Variants in EPHA3 observed in about 807,000 individuals in gnomAD.
EPHA3 encodes ephrin type-A receptor 3.
In EPHA3, 42 loss-of-function variants were observed where a neutral mutation model predicts 107.1. The ratio of observed to expected loss-of-function variants is 0.39; its 90% CI spans 0.31 to 0.51. The LOEUF is 0.51. Among genes scored for constraint, EPHA3 ranks in the 20% least tolerant of loss-of-function variants. EPHA3 has a pLI of 0.78. For missense variants in EPHA3, 1,183 were observed against 1,211.2 expected (o/e 0.98, Z 0.35); for synonymous variants, 461 against 424.8 (o/e 1.09, Z -1.05).
intron 3 of EPHA3, among the ~76,000 whole-genome samples, chr3:89,259,422 A>T (rs1705364078): frequency 6.6e-6 from 1 of 152,242 alleles, no homozygotes; most frequent in African/African-American, 2.4e-5. Context: ...TGCCTGAAAT[A>T]TGCTTGGAAC....
chr3:89,416,861 C>T (rs1284624164), intron 10 of EPHA3, among the ~76,000 whole-genome samples: 3 of 151,430 alleles, frequency 2.0e-5, no homozygotes, highest in Non-Finnish European at 3.0e-5. Flanking sequence ...TGAACTCCTA[C>T]TTTTCATATC....
chr3:89,166,477 T>C (rs1705070716), intron 2 of EPHA3, among the ~76,000 whole-genome samples: 1 of 151,904 alleles, frequency 6.6e-6, no homozygotes, highest in Non-Finnish European at 1.5e-5. Flanking sequence ...ATAATAATTG[T>C]TTTTTTCTGA....
At chr3:89,181,028 T>C (rs1487794478) in intron 2 of EPHA3, among the ~76,000 whole-genome samples, 1 of 152,008 alleles carries the variant, frequency 6.6e-6, no homozygotes, top group Non-Finnish European at 1.5e-5. Flanking sequence ...TGAAAATTTA[T>C]TTTCATAGTT....
intron 2 of EPHA3, among the ~76,000 whole-genome samples, chr3:89,160,309 A>G (rs1207361331): frequency 6.6e-6 from 1 of 152,118 alleles, no homozygotes; most frequent in Non-Finnish European, 1.5e-5. Flanking sequence ...ATATGAAAAG[A>G]TAGAAAAAGC....
intron 2 of EPHA3, among the ~76,000 whole-genome samples, chr3:89,196,807 A>G (rs1327112654): frequency 1.3e-5 from 2 of 152,174 alleles, no homozygotes; most frequent in African/African-American, 4.8e-5. Flanking sequence ...GCAACTTTCA[A>G]TAGCATAAAT....
At chr3:89,420,127 G>A (rs1473763081) in intron 11 of EPHA3, among the ~76,000 whole-genome samples, 1 of 151,394 alleles carries the variant, frequency 6.6e-6, no homozygotes, top group Non-Finnish European at 1.5e-5. Flanking sequence ...TTTTCCTCAA[G>A]ATTTTGGAGC....
chr3:89,415,325 C>G (rs1247595391), intron 10 of EPHA3, among the ~76,000 whole-genome samples: 1 of 150,516 alleles, frequency 6.6e-6, no homozygotes, highest in Non-Finnish European at 1.5e-5. Flanking sequence ...CTACTTCCTA[C>G]ATTCTTAATC....
intron 7 of EPHA3, among the ~76,000 whole-genome samples, chr3:89,406,466 T>C (rs926164025): frequency 1.4e-4 from 22 of 152,196 alleles, no homozygotes; most frequent in African/African-American, 5.1e-4. Flanking sequence ...TCATTCTCTA[T>C]TGCTGCTACT....
At chr3:89,221,520 T>C (rs1175381840) in intron 3 of EPHA3, among the ~76,000 whole-genome samples, 1 of 152,184 alleles carries the variant, frequency 6.6e-6, no homozygotes, top group East Asian at 1.9e-4. Context: ...CTCTTCACCT[T>C]CTAAAATGTA....
intron 1 of EPHA3, among the ~76,000 whole-genome samples, chr3:89,112,456 C>A (rs1041395915): frequency 6.6e-6 from 1 of 151,458 alleles, no homozygotes; most frequent in Non-Finnish European, 1.5e-5. Context: ...CTTAAGGGTC[C>A]GACCATTTTT....
At chr3:89,434,251 G>A (rs991600897) in intron 13 of EPHA3, among the ~76,000 whole-genome samples, 4 of 151,804 alleles carry the variant, frequency 2.6e-5, no homozygotes, top group African/African-American at 9.7e-5. Flanking sequence ...AGAGCCTCAC[G>A]TTGTCTCCCA....
chr3:89,429,225 C>A, intron 12 of EPHA3, 58 bp downstream of exon 12: 2 of 1,338,110 alleles, frequency 1.5e-6, no homozygotes, highest in Non-Finnish European at 2.1e-6. Context: ...ACATTAGAGA[C>A]ACCCTCCAAT....
chr3:89,246,658 C>T (rs1705040730), intron 3 of EPHA3, among the ~76,000 whole-genome samples: 1 of 152,086 alleles, frequency 6.6e-6, no homozygotes, highest in African/African-American at 2.4e-5. Flanking sequence ...TGCTACTCTG[C>T]CCTTTATATG....
At chr3:89,392,531 T>G (rs1015343744) in intron 5 of EPHA3, among the ~76,000 whole-genome samples, 1 of 152,150 alleles carries the variant, frequency 6.6e-6, no homozygotes, top group Non-Finnish European at 1.5e-5. Context: ...CTGAGATTTC[T>G]CTTCCTTCTT....
intron 5 of EPHA3, among the ~76,000 whole-genome samples, chr3:89,380,412 A>G (rs1225098462): frequency 6.6e-6 from 1 of 152,324 alleles, no homozygotes; most frequent in East Asian, 1.9e-4. Context: ...TGGCTCCTCA[A>G]TTAAAGTTAG....
intron 3 of EPHA3, among the ~76,000 whole-genome samples, chr3:89,298,141 G>T (rs527904257): frequency 6.6e-6 from 1 of 152,086 alleles, no homozygotes; most frequent in Non-Finnish European, 1.5e-5. Context: ...TGTCATGTGC[G>T]AGCACCAAAT....
chr3:89,219,688 G>GTGTTTTTTTTTGTTTTTTTTT lies in EPHA3; in HGVS notation c.814+9169_814+9170insGTTTTTTTTTGTTTTTTTTTT. Among the ~76,000 whole-genome samples the GTGTTTTTTTTTGTTTTTTTTT allele has an allele frequency of 9.1e-3, 312 of 34,440 alleles. 108 individuals carry two copies. Among genetic ancestry groups the GTGTTTTTTTTTGTTTTTTTTT allele is most frequent in the Middle Eastern group, 0.036 (2 of 56 alleles). 22.6% of individuals were successfully genotyped at this position (34,440 alleles called of 152,430 possible). ...TTACCTCCAAGAGGCATTTGGCAAT[G>GTGTTTTTTTTTGTTTTTTTTT]TTTTTTTTTTTTTTGTTTTTTGTTT... is the stretch of plus-strand genomic sequence containing the variant. On this transcript the variant is annotated intron_variant, in intron 3 of 16. Transcript: ENST00000336596.
chr3:89,347,591 T>C (rs1265956657), intron 5 of EPHA3, among the ~76,000 whole-genome samples: 6 of 149,938 alleles, frequency 4.0e-5, no homozygotes, highest in East Asian at 1.9e-4. Context: ...CTTTTCCTAA[T>C]TGAATACCCT....
intron 3 of EPHA3, among the ~76,000 whole-genome samples, chr3:89,288,449 T>C (rs1706140287): frequency 6.6e-6 from 1 of 152,150 alleles, no homozygotes; most frequent in African/African-American, 2.4e-5. Flanking sequence ...GAATGTACTG[T>C]ATATCTATTT....
Sources: gnomAD v4.1 joint callset for allele counts (sites outside exome capture counted in the v4.1 genomes callset) on GRCh38, gnomAD v4.1.1 for gene constraint, MANE v1.5 for transcripts, NCBI Gene and HGNC (gene_info 2026-07-23, HGNC 2026-07-21) for gene names.